GLI2: variants seen among roughly 807,000 people sequenced by gnomAD.
The protein encoded by GLI2 is GLI family zinc finger 2.
In GLI2, 22 loss-of-function variants were observed where a neutral mutation model predicts 78.9. The ratio of observed to expected loss-of-function variants is 0.28; its 90% confidence interval spans 0.20 to 0.40. GLI2 has a LOEUF of 0.40. GLI2 is among the 10% of genes least tolerant of loss of function. The pLI is 1.00. For synonymous variants in GLI2, 974 were observed against 963.7 expected, an observed-to-expected ratio of 1.01 and a Z score of -0.20; for missense variants, 2,097 against 2,213.2, an observed-to-expected ratio of 0.95 and a Z score of 1.05.
chr2:120,801,572 T>C (rs4848120), intron 2 of GLI2, among the ~76,000 whole-genome samples: 79,149 of 152,188 alleles, frequency 0.52, 22,438 homozygotes, highest in South Asian at 0.7. Flanking sequence ...GACTTTTCAA[T>C]TACAGGGTGG....
chr2:120,883,769 A>T lies in GLI2; in HGVS notation c.149-43592A>T, dbSNP rs1280183169. 2.6e-5 allele frequency among the ~76,000 whole-genome samples: 4 copies of T among 152,108 alleles called. No homozygotes were observed. In the East Asian group the frequency reaches 7.7e-4, roughly 29 times the overall value. The stretch of plus-strand genomic sequence containing the variant: ...GTGTGGTTGTTTGGCTGAGTCTTGG[A>T]TGAGGGATACTTGCAATGATAGGTA... On this transcript the variant is annotated intron_variant, in intron 2 of 13. Transcript: ENST00000361492.
In GLI2 at chr2:120,754,854, C is replaced by CTT. The variant is rs61059541; in HGVS notation, c.-31+18583_-31+18584dup. 8.5e-3 allele frequency among the ~76,000 whole-genome samples: 1,213 copies of CTT among 143,024 alleles called. 10 individuals are homozygous for CTT. The highest frequency in any genetic ancestry group is 0.029 in the African/African-American group (1,116 of 38,712). 93.8% of individuals were successfully genotyped at this position (143,024 alleles called of 152,430 possible). A position where few individuals can be genotyped will look rare whatever the true frequency, so the allele number is the denominator to read the frequency against. ...GGGTTGGTATATTTAACCATTTTTT[C>CTT]TTTTTTTTTTTTTTTAAGACAGAGT... On this transcript the variant is annotated intron_variant, in intron 1 of 13. Coordinates refer to ENST00000361492, the MANE Select transcript of GLI2 (RefSeq NM_001374353.1).
chr2:120,988,149 G>T, intron 13 of GLI2, 59 bp from the exon 14 acceptor site: 4 of 1,487,382 alleles, frequency 2.7e-6, no homozygotes, highest in South Asian at 2.5e-5. Flanking sequence ...GACTGAGCAC[G>T]GTCAAAGCAA....
chr2:120,944,148 T>C (rs1680594011), intron 3 of GLI2, among the ~76,000 whole-genome samples: 2 of 152,222 alleles, frequency 1.3e-5, no homozygotes. Context: ...TACACATGGC[T>C]GTGCAGAGTG....
At chr2:120,771,675 G>A (rs1008434245) in intron 1 of GLI2, among the ~76,000 whole-genome samples, 1 of 152,232 alleles carries the variant, frequency 6.6e-6, no homozygotes, top group African/African-American at 2.4e-5. Context: ...GCCTGTCCCA[G>A]CCTTAGGCTG....
chr2:120,951,393 C>T lies in GLI2; in HGVS notation c.405C>T (p.Ser135=), dbSNP rs750668915. The change falls in exon 4 of 14, where the codon AGC becomes AGT. Residue 135 remains serine (S), a synonymous_variant. Coordinates refer to ENST00000361492, the MANE Select transcript of GLI2 (RefSeq NM_001374353.1). ...AGCACTACCTCCGTTCTGTGCACAGCAGCCCCACGCTCTCCATGATCTCTG... is the reference window on the plus strand; with the variant it reads ...AGCACTACCTCCGTTCTGTGCACAGTAGCCCCACGCTCTCCATGATCTCTG... ...HMEHYLRSVH[S]SPTLSMISAA... is the part of the protein sequence containing the mutation. 6 of 1,613,174 alleles carry T rather than the reference C, an allele frequency of 3.7e-6. No homozygotes were observed. Among genetic ancestry groups the T allele is most frequent in the Non-Finnish European group, 5.1e-6 (6 of 1,179,318 alleles).
At chr2:120,766,358 C>G (rs1683365851) in intron 1 of GLI2, among the ~76,000 whole-genome samples, 1 of 152,154 alleles carries the variant, frequency 6.6e-6, no homozygotes, top group Non-Finnish European at 1.5e-5. Flanking sequence ...GAGAGGGCCT[C>G]ACGCCCCTGG....
chr2:120,990,005 C>T lies in GLI2; in HGVS notation c.4040C>T (p.Ala1347Val). The T allele has an allele frequency of 1.2e-6, 2 of 1,609,324 alleles. No individual in the cohort carries two copies. Among genetic ancestry groups the T allele is most frequent in the Non-Finnish European group, 1.7e-6 (2 of 1,178,184 alleles). The change falls in exon 14 of 14, where the codon GCA (alanine) becomes GTA (valine). Residue 1347 changes from alanine (A) to valine (V), a missense_variant. Ala to Val is a moderately conservative substitution (Grantham distance 64, BLOSUM62 0). Coordinates refer to ENST00000361492, the MANE Select transcript of GLI2 (RefSeq NM_001374353.1). ...PQTGPMGVAT[A>V]GFGLVQPRPP... ...ACAGGCCCGATGGGGGTGGCTACAG[C>T]AGGCTTTGGCCTAGTGCAGCCCCGG...
chr2:120,771,351 C>A (rs1373202223), intron 1 of GLI2, among the ~76,000 whole-genome samples: 1 of 152,256 alleles, frequency 6.6e-6, no homozygotes, highest in African/African-American at 2.4e-5. Flanking sequence ...TGCCTTGCTC[C>A]TCACCAGCTC....
At chr2:120,929,783 G>A (rs1398996184) in intron 3 of GLI2, among the ~76,000 whole-genome samples, 1 of 152,280 alleles carries the variant, frequency 6.6e-6, no homozygotes, top group Non-Finnish European at 1.5e-5. Context: ...CTGCCTGGTG[G>A]GTGTTGGAGT....
At chr2:120,951,669 C>A (rs1248189438) in intron 4 of GLI2, 1 of 538,388 alleles carries the variant, frequency 1.9e-6, no homozygotes, top group African/African-American at 1.9e-5. Context: ...CATATATGAT[C>A]TATTGTAATA....
chr2:120,814,771 TGCCCCCGCCCGCCCCACCCCCC>T (rs1290257638), intron 2 of GLI2, among the ~76,000 whole-genome samples: 1 of 150,906 alleles, frequency 6.6e-6, no homozygotes, highest in African/African-American at 2.4e-5. Context: ...TTGGGATTCC[TGCCCCCGCCCGCCCCACCCCCC>T]GCCCCCGCTG....
intron 2 of GLI2, among the ~76,000 whole-genome samples, chr2:120,825,020 G>C (rs1423444513): frequency 5.3e-5 from 8 of 152,054 alleles, no homozygotes; most frequent in Admixed American, 5.2e-4. Context: ...ATTTTTTATA[G>C]AGACAGGGTT....
At chr2:120,790,442 C>A (rs1684117396) in intron 1 of GLI2, among the ~76,000 whole-genome samples, 1 of 152,188 alleles carries the variant, frequency 6.6e-6, no homozygotes. Context: ...AGGGTCTGGG[C>A]TCCCCTCCTG....
Position 120,965,061 on chromosome 2 carries a change from G to T in GLI2, c.644-3653G>T, listed in dbSNP as rs149529336. The stretch of plus-strand genomic sequence containing the variant: ...GCGTCACTAAATGGTGGTTGTCACT[G>T]GGTCATTATTTGCATAAGAATTCAG... On this transcript the variant is annotated intron_variant, in intron 5 of 13. Transcript: ENST00000361492. 2.8e-3 allele frequency among the ~76,000 whole-genome samples: 424 copies of T among 152,382 alleles called. 1 individual carries two copies. The highest frequency in any genetic ancestry group is 0.01 in the Middle Eastern group (3 of 294).
intron 1 of GLI2, among the ~76,000 whole-genome samples, chr2:120,750,174 C>T (rs998228072): frequency 2.6e-5 from 4 of 152,258 alleles, no homozygotes; most frequent in African/African-American, 9.6e-5. Flanking sequence ...GCCCCTCCCA[C>T]TCCAGGAGGA....
At chr2:120,918,018 A>G (rs1679185382) in intron 2 of GLI2, among the ~76,000 whole-genome samples, 1 of 152,212 alleles carries the variant, frequency 6.6e-6, no homozygotes, top group Non-Finnish European at 1.5e-5. Flanking sequence ...CTGCAAAGCC[A>G]TGGCTTTCAT....
intron 1 of GLI2, among the ~76,000 whole-genome samples, chr2:120,772,732 G>C (rs1391608849): frequency 6.6e-6 from 1 of 152,242 alleles, no homozygotes; most frequent in African/African-American, 2.4e-5. Flanking sequence ...TAATAATGTA[G>C]AAGTTCAGGA....
intron 1 of GLI2, among the ~76,000 whole-genome samples, chr2:120,782,583 A>G (rs1161319944): frequency 1.3e-5 from 2 of 152,200 alleles, no homozygotes; most frequent in African/African-American, 4.8e-5. Flanking sequence ...TTTACAGCTT[A>G]AGGTGGTGAG....
Sources: allele counts gnomAD v4.1 joint callset (sites outside exome capture counted in the v4.1 genomes callset), GRCh38; gene constraint gnomAD v4.1.1; transcripts MANE v1.5; gene names NCBI Gene and HGNC (gene_info 2026-07-23, HGNC 2026-07-21).